PLXDC2: variants seen among roughly 807,000 people sequenced by gnomAD.
PLXDC2 encodes plexin domain-containing protein 2.
Under a neutral mutation model 68.9 loss-of-function variants are expected in PLXDC2, and 40 were observed. The observed-to-expected ratio is 0.58, with a 90% CI of 0.45 to 0.76. The LOEUF is 0.76. Among genes scored for constraint, PLXDC2 ranks in the 30% least tolerant of loss-of-function variants. PLXDC2 has a pLI of 0.00. For missense variants in PLXDC2, 644 were observed against 661.9 expected, an observed-to-expected ratio of 0.97 and a Z score of 0.30; for synonymous variants, 243 against 234.2, an observed-to-expected ratio of 1.04 and a Z score of -0.34.
intron 1 of PLXDC2, among the ~76,000 whole-genome samples, chr10:19,826,412 C>T (rs762993653): frequency 2.0e-5 from 3 of 152,098 alleles, no homozygotes; most frequent in Admixed American, 6.5e-5. Flanking sequence ...TGTGTCTTTG[C>T]ACTTTTTTTC....
intron 12 of PLXDC2, among the ~76,000 whole-genome samples, chr10:20,219,701 A>G (rs1025142813): frequency 1.3e-5 from 2 of 152,190 alleles, no homozygotes; most frequent in African/African-American, 4.8e-5. Context: ...GTTTTTAGAA[A>G]TAGATCTTTT....
At chr10:20,242,242 A>G (rs570284571) in intron 12 of PLXDC2, among the ~76,000 whole-genome samples, 5 of 152,342 alleles carry the variant, frequency 3.3e-5, no homozygotes, top group African/African-American at 9.6e-5. Flanking sequence ...CCAAAGTTTT[A>G]AAAGCAACAC....
intron 13 of PLXDC2, among the ~76,000 whole-genome samples, chr10:20,254,598 C>T (rs1055720784): frequency 2.0e-5 from 3 of 151,646 alleles, no homozygotes; most frequent in Non-Finnish European, 2.9e-5. Context: ...ATTTCTTAGC[C>T]GAAGAAAAAG....
At chr10:19,982,589 T>C (rs1427345708) in intron 1 of PLXDC2, among the ~76,000 whole-genome samples, 1 of 152,228 alleles carries the variant, frequency 6.6e-6, no homozygotes, top group Non-Finnish European at 1.5e-5. Context: ...ATATGATTGT[T>C]ACATCGTTTA....
chr10:20,096,892 G>T (rs1316568971), intron 4 of PLXDC2, among the ~76,000 whole-genome samples: 2 of 152,068 alleles, frequency 1.3e-5, no homozygotes, highest in African/African-American at 4.8e-5. Flanking sequence ...TCTTCTAAAT[G>T]TAGGGTCTGT....
chr10:19,949,732 T>G (rs1190207223), intron 1 of PLXDC2, among the ~76,000 whole-genome samples: 2 of 152,170 alleles, frequency 1.3e-5, no homozygotes, highest in East Asian at 3.9e-4. Context: ...AAAATAGCAA[T>G]GTGATAATAG....
chr10:19,886,508 G>C (rs1458472283), intron 1 of PLXDC2, among the ~76,000 whole-genome samples: 1 of 152,088 alleles, frequency 6.6e-6, no homozygotes, highest in Admixed American at 6.6e-5. Flanking sequence ...CATATAAACA[G>C]AACCAAAGAC....
chr10:20,124,035 G>T (rs1473846389), intron 4 of PLXDC2, among the ~76,000 whole-genome samples: 2 of 151,908 alleles, frequency 1.3e-5, no homozygotes, highest in African/African-American at 4.8e-5. Context: ...AAGGTGTAGA[G>T]ACACGGAGAG....
chr10:20,280,060 A>T lies in PLXDC2; in HGVS notation c.*241A>T. On this transcript the variant is annotated 3_prime_UTR_variant, in exon 14 of 14. Transcript: ENST00000377252. ...AATTCCCTAGTGGAATGTCATCTAT[A>T]GTTCACTCGGAACATCTCCCGTGGA... The T allele has an allele frequency of 4.6e-6, 2 of 438,240 alleles. No individual in the cohort carries two copies. Among genetic ancestry groups the T allele is most frequent in the Non-Finnish European group, 8.1e-6 (2 of 246,188 alleles). 27.1% of individuals were successfully genotyped at this position (438,240 alleles called of 1,614,324 possible). A position where few individuals can be genotyped will look rare whatever the true frequency, so the allele number is the denominator to read the frequency against.
intron 4 of PLXDC2, among the ~76,000 whole-genome samples, chr10:20,128,791 C>T (rs905358284): frequency 2.0e-5 from 3 of 152,144 alleles, no homozygotes; most frequent in Admixed American, 6.5e-5. Flanking sequence ...CTTCCAAGTT[C>T]ATCCATGTTG....
intron 1 of PLXDC2, among the ~76,000 whole-genome samples, chr10:19,994,701 C>A (rs558592947): frequency 1.2e-4 from 18 of 151,476 alleles, no homozygotes; most frequent in Non-Finnish European, 2.2e-4. Flanking sequence ...TTTAAGACAC[C>A]GTCTCAGATG....
At chr10:20,050,809 T>C (rs1450261945) in intron 3 of PLXDC2, among the ~76,000 whole-genome samples, 1 of 151,964 alleles carries the variant, frequency 6.6e-6, no homozygotes, top group Non-Finnish European at 1.5e-5. Context: ...GTTCAACCAT[T>C]GTGGAAAGAA....
intron 1 of PLXDC2, among the ~76,000 whole-genome samples, chr10:19,901,992 G>C (rs1838168822): frequency 2.0e-5 from 3 of 152,026 alleles, no homozygotes; most frequent in Admixed American, 6.6e-5. Context: ...ATAAGTATTT[G>C]GCTTTATTTC....
At chr10:20,189,899 C>T (rs1834742212) in intron 9 of PLXDC2, among the ~76,000 whole-genome samples, 1 of 151,510 alleles carries the variant, frequency 6.6e-6, no homozygotes, top group Admixed American at 6.6e-5. Context: ...GAATAGAAAC[C>T]GGTTTTCTTT....
chr10:20,055,867 T>G (rs1381199367), intron 3 of PLXDC2, among the ~76,000 whole-genome samples: 1 of 152,154 alleles, frequency 6.6e-6, no homozygotes, highest in Non-Finnish European at 1.5e-5. Context: ...CTCAGAACAT[T>G]CGTATAGTTA....
intron 4 of PLXDC2, among the ~76,000 whole-genome samples, chr10:20,116,330 T>G (rs1421397515): frequency 6.6e-6 from 1 of 152,198 alleles, no homozygotes; most frequent in Non-Finnish European, 1.5e-5. Flanking sequence ...TTGCACCAGT[T>G]AAACTAAGAG....
intron 1 of PLXDC2, among the ~76,000 whole-genome samples, chr10:19,971,295 A>G (rs545596685): frequency 1.3e-5 from 2 of 152,258 alleles, no homozygotes; most frequent in Non-Finnish European, 2.9e-5. Flanking sequence ...ATGACGAGTG[A>G]GTTATTTCAA....
chr10:20,240,294 T>A (rs1280413432), intron 12 of PLXDC2, among the ~76,000 whole-genome samples: 1 of 152,192 alleles, frequency 6.6e-6, no homozygotes, highest in Non-Finnish European at 1.5e-5. Context: ...CATAGAATTC[T>A]ATGGTGTATA....
chr10:20,205,356 C>T (rs1834977009), intron 9 of PLXDC2, among the ~76,000 whole-genome samples: 1 of 152,062 alleles, frequency 6.6e-6, no homozygotes, highest in South Asian at 2.1e-4. Context: ...ATAATTTGGA[C>T]ATAAAAACAT....
Sources: allele counts gnomAD v4.1 joint callset (sites outside exome capture counted in the v4.1 genomes callset), GRCh38; gene constraint gnomAD v4.1.1; transcripts MANE v1.5; gene names NCBI Gene and HGNC (gene_info 2026-07-23, HGNC 2026-07-21).